Variants in NREP observed in about 807,000 individuals in gnomAD.
The protein encoded by NREP is neuronal regeneration related protein.
Under a neutral mutation model 8.6 loss-of-function variants are expected in NREP, and 5 were observed. The observed-to-expected ratio is 0.58, with a 90% CI of 0.30 to 1.22. The LOEUF (loss-of-function observed/expected upper bound fraction) is 1.22, where lower values mean the gene tolerates loss of function less well. Ranked by LOEUF, NREP falls within the 50% of genes most tolerant of loss-of-function variation. The pLI, the probability that NREP is intolerant of heterozygous loss-of-function variation, is 0.07. For missense variants in NREP, 86 were observed against 82.5 expected (o/e 1.04, Z -0.17); for synonymous variants, 27 against 28.0 (o/e 0.96, Z 0.11).
intron 2 of NREP, among the ~76,000 whole-genome samples, chr5:111,778,949 G>A (rs1374572106): frequency 2.0e-5 from 3 of 151,820 alleles, no homozygotes; most frequent in Non-Finnish European, 4.4e-5. Context: ...TTTTTTAATG[G>A]TCCTCGAATA....
chr5:111,927,319 A>C (rs983717605), intron 2 of NREP, among the ~76,000 whole-genome samples: 1 of 152,294 alleles, frequency 6.6e-6, no homozygotes, highest in Non-Finnish European at 1.5e-5. Flanking sequence ...ATCAAGACTC[A>C]AAATGGGAAA....
At chr5:111,885,502 G>C (rs1440834474) in intron 2 of NREP, among the ~76,000 whole-genome samples, 3 of 152,276 alleles carry the variant, frequency 2.0e-5, no homozygotes, top group Non-Finnish European at 4.4e-5. Context: ...AACCAAAAAA[G>C]AGCCTGCATC....
At chr5:111,881,659 C>T (rs967121071) in intron 2 of NREP, among the ~76,000 whole-genome samples, 2 of 152,194 alleles carry the variant, frequency 1.3e-5, no homozygotes, top group African/African-American at 2.4e-5. Context: ...CAGACAGCAG[C>T]ATTTGCGGTC....
At chr5:111,808,696 C>A (rs535474981) in intron 2 of NREP, among the ~76,000 whole-genome samples, 19 of 152,260 alleles carry the variant, frequency 1.2e-4, no homozygotes, top group African/African-American at 4.1e-4. Context: ...TTTAAGGAAG[C>A]CTTCCTTGTG....
chr5:111,767,726 C>T (rs1751119586), intron 2 of NREP, among the ~76,000 whole-genome samples: 2 of 152,128 alleles, frequency 1.3e-5, no homozygotes, highest in African/African-American at 4.8e-5. Context: ...AGTGCAGTGG[C>T]ACAATCACAG....
intron 2 of NREP, among the ~76,000 whole-genome samples, chr5:111,892,544 A>T (rs1205071674): frequency 6.6e-6 from 1 of 152,226 alleles, no homozygotes; most frequent in Non-Finnish European, 1.5e-5. Flanking sequence ...TTAAATTTAA[A>T]AAACTAAAGT....
intron 2 of NREP, among the ~76,000 whole-genome samples, chr5:111,784,734 G>A (rs1306834360): frequency 6.6e-6 from 1 of 152,036 alleles, no homozygotes; most frequent in Non-Finnish European, 1.5e-5. Context: ...AACCTTATTT[G>A]GCTGCAAATT....
chr5:111,827,135 A>G (rs1176528393), intron 2 of NREP, among the ~76,000 whole-genome samples: 1 of 152,214 alleles, frequency 6.6e-6, no homozygotes, highest in East Asian at 1.9e-4. Flanking sequence ...TCCCATGTCC[A>G]GTGGGAAAAA....
chr5:111,806,160 C>T (rs1418108809), intron 2 of NREP, among the ~76,000 whole-genome samples: 2 of 152,100 alleles, frequency 1.3e-5, no homozygotes, highest in East Asian at 3.9e-4. Flanking sequence ...CTTAGAAGAA[C>T]AGGCATAGAC....
intron 2 of NREP, among the ~76,000 whole-genome samples, chr5:111,891,730 G>C (rs189598868): frequency 1.3e-5 from 2 of 152,260 alleles, no homozygotes; most frequent in African/African-American, 4.8e-5. Flanking sequence ...TAACATGGTG[G>C]GAGCAGGAGC....
intron 2 of NREP, among the ~76,000 whole-genome samples, chr5:111,947,182 C>T (rs1756011830): frequency 1.3e-5 from 2 of 152,138 alleles, no homozygotes; most frequent in Admixed American, 6.5e-5. Flanking sequence ...CACAATATCT[C>T]ATAGTTGTCT....
chr5:111,964,890 A>AAAAAAAAAAAAAAAT (rs1561372291), intron 2 of NREP, among the ~76,000 whole-genome samples: 1 of 135,848 alleles, frequency 7.4e-6, no homozygotes, highest in Non-Finnish European at 1.5e-5. Context: ...AAAAAAAAAA[A>AAAAAAAAAAAAAAAT]AAAAAGAAAC....
At chr5:111,899,815 A>T (rs1050277182) in intron 2 of NREP, among the ~76,000 whole-genome samples, 1 of 152,230 alleles carries the variant, frequency 6.6e-6, no homozygotes, top group Non-Finnish European at 1.5e-5. Context: ...AGATGAATAA[A>T]GCAAACATTA....
intron 2 of NREP, among the ~76,000 whole-genome samples, chr5:111,944,986 A>G (rs1001329069): frequency 1.3e-5 from 2 of 151,962 alleles, no homozygotes; most frequent in Non-Finnish European, 2.9e-5. Flanking sequence ...AACAATTTCT[A>G]CCTATGCTTC....
intron 2 of NREP, among the ~76,000 whole-genome samples, chr5:111,949,389 T>C (rs1448858538): frequency 6.6e-6 from 1 of 151,990 alleles, no homozygotes; most frequent in Non-Finnish European, 1.5e-5. Context: ...AACAACAAAA[T>C]TTTATTTGGA....
intron 2 of NREP, among the ~76,000 whole-genome samples, chr5:111,892,922 G>A (rs1754428672): frequency 6.6e-6 from 1 of 152,144 alleles, no homozygotes; most frequent in African/African-American, 2.4e-5. Flanking sequence ...TCTACTATGT[G>A]AAAGGAAAAT....
intron 2 of NREP, among the ~76,000 whole-genome samples, chr5:111,885,149 G>A (rs1476734371): frequency 9.3e-5 from 14 of 151,204 alleles, no homozygotes; most frequent in African/African-American, 2.7e-4. Context: ...AAATCAATGT[G>A]CAAAAATCAC....
intron 2 of NREP, among the ~76,000 whole-genome samples, chr5:111,798,205 G>T (rs772390650): frequency 1.4e-4 from 22 of 152,156 alleles, no homozygotes; most frequent in South Asian, 1.2e-3. Context: ...TAACAAATAA[G>T]ATTAAAGTAA....
intron 2 of NREP, among the ~76,000 whole-genome samples, chr5:111,799,354 T>G (rs1049367460): frequency 6.6e-6 from 1 of 152,218 alleles, no homozygotes; most frequent in Non-Finnish European, 1.5e-5. Context: ...AGACTGCTTT[T>G]AGCAGTATGG....
Sources: allele counts gnomAD v4.1 joint callset (sites outside exome capture counted in the v4.1 genomes callset), GRCh38; gene constraint gnomAD v4.1.1; transcripts MANE v1.5; gene names NCBI Gene and HGNC (gene_info 2026-07-23, HGNC 2026-07-21).